TMEM132D: variants seen among roughly 807,000 people sequenced by gnomAD.
TMEM132D encodes the protein transmembrane protein 132D, also known as mature OL transmembrane protein.
Under a neutral mutation model 62.3 loss-of-function variants are expected in TMEM132D, and 21 were observed. The ratio of observed to expected loss-of-function variants is 0.34; its 90% confidence interval spans 0.24 to 0.49. The LOEUF (loss-of-function observed/expected upper bound fraction) is 0.49. Among genes scored for constraint, TMEM132D ranks in the 20% least tolerant of loss-of-function variants. The pLI is 0.99. For missense variants in TMEM132D, 1,346 were observed against 1,402.8 expected (o/e 0.96, Z 0.65); for synonymous variants, 621 against 575.6 (o/e 1.08, Z -1.13).
At chr12:129,300,939 C>A (rs987056723) in intron 4 of TMEM132D, among the ~76,000 whole-genome samples, 1 of 152,172 alleles carries the variant, frequency 6.6e-6, no homozygotes, top group Non-Finnish European at 1.5e-5. Flanking sequence ...ACACTCCCTA[C>A]TGTAGTTACC....
intron 1 of TMEM132D, among the ~76,000 whole-genome samples, chr12:129,800,810 C>A (rs1249537376): frequency 6.6e-6 from 1 of 152,084 alleles, no homozygotes; most frequent in Non-Finnish European, 1.5e-5. Flanking sequence ...GTACCGGGCT[C>A]ATCTCACTAG....
At chr12:129,422,450 T>C (rs1872355656) in intron 3 of TMEM132D, among the ~76,000 whole-genome samples, 1 of 152,230 alleles carries the variant, frequency 6.6e-6, no homozygotes, top group South Asian at 2.1e-4. Flanking sequence ...ATCTGAAGAA[T>C]GCTCTTTCTC....
At chr12:129,693,362 T>A (rs767429317) in intron 2 of TMEM132D, among the ~76,000 whole-genome samples, 1 of 152,158 alleles carries the variant, frequency 6.6e-6, no homozygotes, top group African/African-American at 2.4e-5. Flanking sequence ...ATTGAATAAA[T>A]ACATAAACGA....
At chr12:129,432,630 G>T (rs577341643) in intron 3 of TMEM132D, among the ~76,000 whole-genome samples, 195 of 152,326 alleles carry the variant, frequency 1.3e-3, no homozygotes, top group Non-Finnish European at 2.5e-3. Flanking sequence ...TATATACCAA[G>T]AGTAGACATT....
intron 4 of TMEM132D, among the ~76,000 whole-genome samples, chr12:129,319,386 G>T (rs181053331): frequency 3.3e-4 from 50 of 152,278 alleles, no homozygotes; most frequent in African/African-American, 6.3e-4. Context: ...CTCCAGTGGG[G>T]GTGTGTGTTT....
chr12:129,676,179 C>T (rs1339462600), intron 2 of TMEM132D, among the ~76,000 whole-genome samples: 1 of 152,106 alleles, frequency 6.6e-6, no homozygotes, highest in African/African-American at 2.4e-5. Context: ...CAGTGTTAAG[C>T]TCTAGCAAAA....
At chr12:129,589,405 C>T (rs781443484) in intron 2 of TMEM132D, among the ~76,000 whole-genome samples, 4 of 152,084 alleles carry the variant, frequency 2.6e-5, no homozygotes, top group African/African-American at 7.2e-5. Flanking sequence ...TACCCAGTCT[C>T]GGTTATGTCT....
At chr12:129,606,825 G>A (rs1878637750) in intron 2 of TMEM132D, among the ~76,000 whole-genome samples, 1 of 152,176 alleles carries the variant, frequency 6.6e-6, no homozygotes. Flanking sequence ...TCTGATTCAA[G>A]AACTCTCTAC....
intron 1 of TMEM132D, among the ~76,000 whole-genome samples, chr12:129,832,233 G>T (rs901048886): frequency 7.3e-5 from 11 of 150,972 alleles, no homozygotes; most frequent in African/African-American, 2.7e-4. Flanking sequence ...AGGAGGAAGA[G>T]ATATAGAATA....
chr12:129,581,325 AG>A (rs1228827145), intron 2 of TMEM132D, among the ~76,000 whole-genome samples: 1 of 152,178 alleles, frequency 6.6e-6, no homozygotes, highest in African/African-American at 2.4e-5. Flanking sequence ...GGTTCTCTAG[AG>A]GGACACGACT....
chr12:129,242,832 G>A (rs4759936), intron 4 of TMEM132D, among the ~76,000 whole-genome samples: 3,863 of 149,824 alleles, frequency 0.026, 128 homozygotes, highest in African/African-American at 0.069. Flanking sequence ...TTCTTTAATC[G>A]TTTAAACTGT....
At position 129,680,695 on chromosome 12, in the gene TMEM132D, C is replaced by T. The variant is rs80138368; in HGVS notation, c.968+19115G>A. On this transcript the variant is annotated intron_variant, in intron 2 of 8. Transcript: ENST00000422113. ...TAACTGACAAGAAGAACTTTAGTAT[C>T]GGTAAGTAGTTACAGAGGTGCTGGA... 6.3e-4 allele frequency among the ~76,000 whole-genome samples: 96 copies of T among 152,260 alleles called. 1 individual carries two copies. The South Asian group carries it at 0.018, about 28-fold the overall frequency.
chr12:129,398,250 T>C (rs6486460), intron 3 of TMEM132D, among the ~76,000 whole-genome samples: 12,121 of 152,234 alleles, frequency 0.08, 1,141 homozygotes, highest in African/African-American at 0.24. Flanking sequence ...AGCTCAGTGA[T>C]ACCATCATCT....
At position 129,600,956 on chromosome 12, in the gene TMEM132D, G is replaced by A. The variant is rs1490946335; in HGVS notation, c.969-69751C>T. On this transcript the variant is annotated intron_variant, in intron 2 of 8. Coordinates refer to ENST00000422113, the MANE Select transcript of TMEM132D (RefSeq NM_133448.3). ...ACCAGCTGCATTACCCAACAACAAG[G>A]AAGTCAGCCTGTCCTTTGAAGCCAG... 3.3e-5 allele frequency among the ~76,000 whole-genome samples: 5 copies of A among 152,152 alleles called. No homozygotes were observed. The East Asian group carries it at 7.7e-4, about 23-fold the overall frequency.
At chr12:129,756,535 G>A (rs1234272930) in intron 1 of TMEM132D, among the ~76,000 whole-genome samples, 1 of 152,110 alleles carries the variant, frequency 6.6e-6, no homozygotes, top group Non-Finnish European at 1.5e-5. Flanking sequence ...TCGTAAACAG[G>A]GAGTTTATGT....
intron 5 of TMEM132D, among the ~76,000 whole-genome samples, chr12:129,130,488 G>A (rs1280242175): frequency 3.3e-5 from 5 of 152,150 alleles, no homozygotes; most frequent in East Asian, 1.9e-4. Flanking sequence ...GCTAACCACC[G>A]TCCGCGGTCT....
At chr12:129,177,363 C>G (rs185482747) in intron 5 of TMEM132D, among the ~76,000 whole-genome samples, 2 of 152,244 alleles carry the variant, frequency 1.3e-5, no homozygotes, top group Admixed American at 6.5e-5. Flanking sequence ...AGACAATAAA[C>G]AATCACTGAA....
chr12:129,178,440 T>G (rs200534375), intron 5 of TMEM132D, among the ~76,000 whole-genome samples: 43,152 of 151,374 alleles, frequency 0.29, 6,745 homozygotes, highest in East Asian at 0.51. Flanking sequence ...TCTGTTTTTT[T>G]TTTTTTTTTG....
chr12:129,424,537 C>G (rs986325788), intron 3 of TMEM132D, among the ~76,000 whole-genome samples: 1 of 151,792 alleles, frequency 6.6e-6, no homozygotes, highest in Non-Finnish European at 1.5e-5. Flanking sequence ...CGTCTCTACT[C>G]TCTATTAAAA....
Sources: allele counts gnomAD v4.1 joint callset (sites outside exome capture counted in the v4.1 genomes callset), GRCh38; gene constraint gnomAD v4.1.1; transcripts MANE v1.5; gene names NCBI Gene and HGNC (gene_info 2026-07-23, HGNC 2026-07-21).